The following ROBO2 variants were observed in gnomAD, a reference collection of about 807,000 sequenced individuals.
ROBO2 encodes roundabout guidance receptor 2.
In ROBO2, 53 loss-of-function variants were observed where a neutral mutation model predicts 160.8. The ratio of observed to expected loss-of-function variants is 0.33; its 90% CI spans 0.26 to 0.41. ROBO2 has a LOEUF of 0.41. Ranked by LOEUF, ROBO2 falls within the 10% of genes least tolerant of loss-of-function variation. ROBO2 has a pLI of 1.00. For synonymous variants in ROBO2, 664 were observed against 611.7 expected, an observed-to-expected ratio of 1.09 and a Z score of -1.26; for missense variants, 1,577 against 1,722.4, an observed-to-expected ratio of 0.92 and a Z score of 1.49.
At chr3:76,315,238 A>G (rs377032296) in intron 2 of ROBO2, among the ~76,000 whole-genome samples, 40 of 152,330 alleles carry the variant, frequency 2.6e-4, no homozygotes, top group Non-Finnish European at 5.0e-4. Context: ...CACTTATGAC[A>G]TGAGAGTTAA....
chr3:77,244,698 T>G (rs2151393637), intron 2 of ROBO2, among the ~76,000 whole-genome samples: 1 of 151,858 alleles, frequency 6.6e-6, no homozygotes, highest in Admixed American at 6.6e-5. Flanking sequence ...GCCAATATGG[T>G]GAAACCCCAT....
At chr3:76,692,918 G>A (rs1175902074) in intron 2 of ROBO2, among the ~76,000 whole-genome samples, 1 of 150,908 alleles carries the variant, frequency 6.6e-6, no homozygotes, top group African/African-American at 2.4e-5. Flanking sequence ...TAGTGTGTGT[G>A]TATCTATATA....
rs564763769 is a variant in ROBO2 at position 76,910,416 on chromosome 3, G to A, written c.110-187598G>A. 2.1e-3 allele frequency among the ~76,000 whole-genome samples: 325 copies of A among 152,002 alleles called. 1 individual carries two copies. The highest frequency in any genetic ancestry group is 6.3e-3 in the African/African-American group (263 of 41,494). On this transcript the variant is annotated intron_variant, in intron 2 of 26. Coordinates refer to the ROBO2 transcript ENST00000487694. ...GTTTGGTTTGAATGGGCTATGGAAAGGGGCACTTTTAGAAATCATATACAT... is the reference window on the plus strand; with the variant it reads ...GTTTGGTTTGAATGGGCTATGGAAAAGGGCACTTTTAGAAATCATATACAT...
chr3:77,630,215 A>G (rs1424297278), intron 23 of ROBO2: 6 of 152,234 alleles, frequency 3.9e-5, no homozygotes, highest in Admixed American at 3.9e-4. Context: ...ACTAATACAC[A>G]GCAGGTATAT....
chr3:76,429,945 G>A (rs2076369645), intron 2 of ROBO2, among the ~76,000 whole-genome samples: 1 of 152,038 alleles, frequency 6.6e-6, no homozygotes, highest in Admixed American at 6.5e-5. Context: ...GCAATCAAAG[G>A]AACAAACAGC....
chr3:76,006,921 C>T (rs2066035196), intron 2 of ROBO2, among the ~76,000 whole-genome samples: 1 of 151,950 alleles, frequency 6.6e-6, no homozygotes, highest in Admixed American at 6.6e-5. Context: ...AAAAGGCATA[C>T]AATTTCTTTT....
chr3:77,527,022 CT>C (rs2153631516), intron 6 of ROBO2, among the ~76,000 whole-genome samples: 1 of 151,530 alleles, frequency 6.6e-6, no homozygotes, highest in Non-Finnish European at 1.5e-5. Flanking sequence ...GCGAGGCCTT[CT>C]TTTATTGACA....
exon 22 of ROBO2, chr3:77,617,646 A>C (rs2094810240): frequency 6.2e-7 from 1 of 1,614,024 alleles, no homozygotes; most frequent in Non-Finnish European, 8.5e-7. Flanking sequence ...TTCTCCTGCT[A>C]TCTCCTTTGG....
chr3:76,487,412 T>C (rs2079558744), intron 2 of ROBO2, among the ~76,000 whole-genome samples: 1 of 152,152 alleles, frequency 6.6e-6, no homozygotes. Context: ...ACCAATATAA[T>C]AGCTTACTAT....
At chr3:76,699,753 T>A (rs1477424552) in intron 2 of ROBO2, among the ~76,000 whole-genome samples, 1 of 152,174 alleles carries the variant, frequency 6.6e-6, no homozygotes, top group Admixed American at 6.6e-5. Flanking sequence ...GTTATGTTTA[T>A]CATTTCCTAA....
intron 2 of ROBO2, among the ~76,000 whole-genome samples, chr3:76,279,585 C>T (rs534388208): frequency 9.2e-5 from 14 of 152,060 alleles, no homozygotes; most frequent in African/African-American, 3.4e-4. Flanking sequence ...ACTGTTCACA[C>T]TTTAATGTGT....
At position 76,805,452 on chromosome 3, in the gene ROBO2, T is replaced by G. The variant is rs368868090; in HGVS notation, c.110-292562T>G. On this transcript the variant is annotated intron_variant, in intron 2 of 26. Transcript: ENST00000487694. The stretch of plus-strand genomic sequence containing the variant: ...GCATCTTTTATTTTGACCATTACTT[T>G]TATTTTGATTTTTTGTTCTAGAAAT... Among the ~76,000 whole-genome samples the G allele has an allele frequency of 5.9e-5, 9 of 152,082 alleles. No homozygotes were observed. The South Asian group carries it at 1.9e-3, about 31-fold the overall frequency.
chr3:75,995,241 T>C lies in ROBO2; in HGVS notation c.109+57639T>C, dbSNP rs971268441. ...ACAGCAGCCCTTCCCATCACAGGCC[T>C]GGAAGTCTAGAAGGAAAAAATGGTT... On this transcript the variant is annotated intron_variant, in intron 2 of 26. Coordinates refer to the ROBO2 transcript ENST00000487694. 5.3e-5 allele frequency among the ~76,000 whole-genome samples: 8 copies of C among 152,202 alleles called. No homozygotes were observed. In the East Asian group the frequency reaches 1.4e-3, roughly 26 times the overall value.
At chr3:77,260,749 G>A (rs1419436486) in intron 2 of ROBO2, among the ~76,000 whole-genome samples, 2 of 152,172 alleles carry the variant, frequency 1.3e-5, no homozygotes, top group African/African-American at 4.8e-5. Context: ...GGACTTGTCA[G>A]GAGAGTCAAT....
At position 76,779,041 on chromosome 3, in the gene ROBO2, TG is replaced by T. The variant is rs1171469679; in HGVS notation, c.110-318972del. Among the ~76,000 whole-genome samples, 8 of 151,192 alleles carry T rather than the reference TG, an allele frequency of 5.3e-5. No homozygotes were observed. In the South Asian group the frequency reaches 1.7e-3, roughly 31 times the overall value. ...AAAATAGGTAATCAACAGAACTGTC[TG>T]ACTTCATAATCTCTACCTCTCATCC... On this transcript the variant is annotated intron_variant, in intron 2 of 26. Coordinates refer to the ROBO2 transcript ENST00000487694.
At chr3:77,040,030 A>G in exon 1 of ROBO2, 1 of 876,116 alleles carries the variant, frequency 1.1e-6, no homozygotes, top group Non-Finnish European at 1.4e-6. Context: ...GGGTGTCTGC[A>G]GCCTCGGCCT....
chr3:76,325,489 G>C (rs1007822334), intron 2 of ROBO2, among the ~76,000 whole-genome samples: 1 of 152,070 alleles, frequency 6.6e-6, no homozygotes, highest in African/African-American at 2.4e-5. Flanking sequence ...CCCAATGTTT[G>C]GGGATGTCAG....
intron 2 of ROBO2, among the ~76,000 whole-genome samples, chr3:77,355,753 C>T (rs1250569936): frequency 4.0e-5 from 6 of 151,768 alleles, no homozygotes; most frequent in South Asian, 2.1e-4. Context: ...CATAACAAAA[C>T]GTGGAGAAAA....
chr3:76,016,437 G>A (rs2066407153), intron 2 of ROBO2, among the ~76,000 whole-genome samples: 1 of 151,628 alleles, frequency 6.6e-6, no homozygotes, highest in Non-Finnish European at 1.5e-5. Flanking sequence ...TCAGTGCCTA[G>A]CTCGGATGCT....
Sources: allele counts gnomAD v4.1 joint callset (sites outside exome capture counted in the v4.1 genomes callset), GRCh38; gene constraint gnomAD v4.1.1; transcripts MANE v1.5; gene names NCBI Gene and HGNC (gene_info 2026-07-23, HGNC 2026-07-21).